The following MACO1 variants were observed in gnomAD, a reference collection of about 807,000 sequenced individuals.
MACO1 encodes the protein macoilin 1, also known as macoilin.
Under a neutral mutation model 78.7 loss-of-function variants are expected in MACO1, and 14 were observed. The observed-to-expected ratio is 0.18, with a 90% confidence interval of 0.12 to 0.28. The LOEUF is 0.28. Among genes scored for constraint, MACO1 ranks in the 10% least tolerant of loss-of-function variants. MACO1 has a pLI of 1.00. For missense variants in MACO1, 501 were observed against 799.0 expected, an observed-to-expected ratio of 0.63 and a Z score of 4.50; for synonymous variants, 288 against 291.6, an observed-to-expected ratio of 0.99 and a Z score of 0.12.
intron 6 of MACO1, among the ~76,000 whole-genome samples, chr1:25,480,927 AAAATATATAT>A (rs1360304589): frequency 1.7e-4 from 5 of 29,884 alleles, no homozygotes; most frequent in Admixed American, 4.3e-4. Flanking sequence ...AAAAAAAAAA[AAAATATATAT>A]ATATATATAT....
chr1:25,437,830 AG>A (rs1342346870), intron 1 of MACO1, among the ~76,000 whole-genome samples: 1 of 152,090 alleles, frequency 6.6e-6, no homozygotes, highest in African/African-American at 2.4e-5. Flanking sequence ...CTGAGGCGGG[AG>A]GATCACGTGA....
intron 2 of MACO1, among the ~76,000 whole-genome samples, chr1:25,448,494 T>A (rs2043035578): frequency 6.6e-6 from 1 of 152,122 alleles, no homozygotes; most frequent in Admixed American, 6.5e-5. Flanking sequence ...AAAATTCTAG[T>A]TCTTTCAGGT....
At chr1:25,491,611 G>T (rs1276649152) in intron 10 of MACO1, 27 bp downstream of exon 10, 1 of 1,605,368 alleles carries the variant, frequency 6.2e-7, no homozygotes, top group Non-Finnish European at 8.5e-7. Flanking sequence ...CCCTGGTGAG[G>T]TGGTGTGACT....
intron 5 of MACO1, 70 bp downstream of exon 5, chr1:25,456,901 T>C (rs1467265099): frequency 6.7e-7 from 1 of 1,492,436 alleles, no homozygotes; most frequent in African/African-American, 1.4e-5. Context: ...AGAATTTTCT[T>C]TTCTGGAAAA....
chr1:25,466,511 C>G (rs1038756335), intron 6 of MACO1, among the ~76,000 whole-genome samples: 1 of 152,114 alleles, frequency 6.6e-6, no homozygotes, highest in African/African-American at 2.4e-5. Context: ...TGGGGTTTCT[C>G]CATGTTGGTC....
chr1:25,451,068 CT>C (rs2043061294), intron 3 of MACO1, among the ~76,000 whole-genome samples: 1 of 140,696 alleles, frequency 7.1e-6, no homozygotes, highest in Admixed American at 6.9e-5. Context: ...TCATAAAATG[CT>C]ACTGGCCCAT....
Position 25,431,194 on chromosome 1 carries a change from C to A in MACO1, c.80+16C>A. Reference sequence around the variant, plus strand: ...TTTACGGCAGGTGAGCGGCTGCACCCCCACTCCGCGGGCGCGGGCCCTGCG... The same window carrying A: ...TTTACGGCAGGTGAGCGGCTGCACCACCACTCCGCGGGCGCGGGCCCTGCG... On this transcript the variant is annotated intron_variant, in intron 1 of 10. Coordinates refer to ENST00000374343, the MANE Select transcript of MACO1 (RefSeq NM_018202.6). The A allele has an allele frequency of 6.3e-7, 1 of 1,579,846 alleles. No homozygotes were observed. The highest frequency in any genetic ancestry group is 1.4e-5 in the African/African-American group (1 of 71,558).
intron 3 of MACO1, among the ~76,000 whole-genome samples, chr1:25,453,789 A>T (rs2043090751): frequency 6.6e-6 from 1 of 152,270 alleles, no homozygotes. Context: ...CCGAGTATGA[A>T]AATGAACCTT....
chr1:25,434,401 T>C (rs932927470), intron 1 of MACO1, among the ~76,000 whole-genome samples: 12 of 152,250 alleles, frequency 7.9e-5, no homozygotes, highest in African/African-American at 2.9e-4. Context: ...ATTTCATTCA[T>C]GAAGTGCCTA....
At chr1:25,482,488 G>A (rs1002556943) in intron 6 of MACO1, among the ~76,000 whole-genome samples, 10 of 152,042 alleles carry the variant, frequency 6.6e-5, no homozygotes, top group African/African-American at 2.2e-4. Context: ...TGGCTTGCCC[G>A]CACATGTCTA....
intron 6 of MACO1, among the ~76,000 whole-genome samples, chr1:25,483,007 G>A (rs909454557): frequency 5.3e-5 from 8 of 152,068 alleles, no homozygotes; most frequent in African/African-American, 1.9e-4. Flanking sequence ...TAATTGTGAA[G>A]TTTTCCCATG....
At chr1:25,464,338 C>CTTTTTTT (rs71014363) in intron 6 of MACO1, among the ~76,000 whole-genome samples, 33 of 80,992 alleles carry the variant, frequency 4.1e-4, no homozygotes, top group African/African-American at 1.0e-3. Context: ...TTTTTCTTCT[C>CTTTTTTT]TTTTTTTTTT....
chr1:25,431,870 A>AT (rs928003670), intron 1 of MACO1, among the ~76,000 whole-genome samples: 1 of 151,850 alleles, frequency 6.6e-6, no homozygotes, highest in African/African-American at 2.4e-5. Flanking sequence ...TTCCAAGCAG[A>AT]TAGCTTGCTT....
intron 10 of MACO1, among the ~76,000 whole-genome samples, chr1:25,492,064 A>G (rs1034356735): frequency 1.3e-5 from 2 of 152,124 alleles, no homozygotes; most frequent in African/African-American, 4.8e-5. Flanking sequence ...CACACAGAAG[A>G]AACAGCTTAG....
chr1:25,469,933 GAC>G (rs943455504), intron 6 of MACO1, among the ~76,000 whole-genome samples: 2 of 152,034 alleles, frequency 1.3e-5, no homozygotes, highest in East Asian at 1.9e-4. Context: ...GCCAACCTCT[GAC>G]TTTTATAAGA....
At chr1:25,443,083 A>G (rs1352252036) in intron 1 of MACO1, among the ~76,000 whole-genome samples, 3 of 152,158 alleles carry the variant, frequency 2.0e-5, no homozygotes, top group Non-Finnish European at 4.4e-5. Flanking sequence ...TCCCTGTCTA[A>G]TTTTCTCATC....
intron 1 of MACO1, among the ~76,000 whole-genome samples, chr1:25,435,845 G>A (rs958692450): frequency 4.6e-5 from 7 of 152,134 alleles, no homozygotes; most frequent in African/African-American, 1.7e-4. Context: ...TTCTATTTGT[G>A]GTTTTCACAA....
At chr1:25,459,041 T>C in intron 6 of MACO1, 149 bp downstream of exon 6, 1 of 955,770 alleles carries the variant, frequency 1.0e-6, no homozygotes, top group Non-Finnish European at 1.5e-6. Context: ...TTGGCCACCT[T>C]GTGTTATTGT....
In MACO1 at chr1:25,495,691, C is replaced by T. The variant is rs77433179; in HGVS notation, c.1793-2573C>T. Among the ~76,000 whole-genome samples, 18 of 152,296 alleles carry T rather than the reference C, an allele frequency of 1.2e-4. No individual in the cohort carries two copies. The East Asian group carries it at 1.3e-3, about 11-fold the overall frequency. On this transcript the variant is annotated intron_variant, in intron 10 of 10. Coordinates refer to ENST00000374343, the MANE Select transcript of MACO1 (RefSeq NM_018202.6). Reference sequence around the variant, plus strand: ...TCCAAAATGACTTTCAGGCCAGGCGCGGTGGCTCACACCTGTAATACCAGC... The same window carrying T: ...TCCAAAATGACTTTCAGGCCAGGCGTGGTGGCTCACACCTGTAATACCAGC...
Sources: allele counts gnomAD v4.1 joint callset (sites outside exome capture counted in the v4.1 genomes callset), GRCh38; gene constraint gnomAD v4.1.1; transcripts MANE v1.5; gene names NCBI Gene and HGNC (gene_info 2026-07-23, HGNC 2026-07-21).